ELAVL2: variants seen among roughly 807,000 people sequenced by gnomAD.
ELAVL2 encodes the protein ELAV like RNA binding protein 2.
In ELAVL2, 4 loss-of-function variants were observed where a neutral mutation model predicts 34.6. The ratio of observed to expected loss-of-function variants is 0.12; its 90% confidence interval spans 0.06 to 0.26. ELAVL2 has a LOEUF of 0.26. ELAVL2 is among the 10% of genes least tolerant of loss of function. ELAVL2 has a pLI of 1.00. For synonymous variants in ELAVL2, 193 were observed against 154.8 expected (o/e 1.25, Z -1.83); for missense variants, 432 against 442.8 (o/e 0.98, Z 0.22).
intron 1 of ELAVL2, among the ~76,000 whole-genome samples, chr9:23,786,308 A>G (rs1410470103): frequency 6.6e-6 from 1 of 152,220 alleles, no homozygotes; most frequent in Non-Finnish European, 1.5e-5. Context: ...GATCTAATTT[A>G]TATTGAGATA....
chr9:23,783,133 T>C (rs535393141), intron 1 of ELAVL2, among the ~76,000 whole-genome samples: 1 of 152,338 alleles, frequency 6.6e-6, no homozygotes, highest in African/African-American at 2.4e-5. Flanking sequence ...TTTACTCCAA[T>C]ACCTGTGAAA....
chr9:23,820,651 C>T (rs1351575894), intron 1 of ELAVL2, among the ~76,000 whole-genome samples: 2 of 152,192 alleles, frequency 1.3e-5, no homozygotes, highest in Non-Finnish European at 2.9e-5. Context: ...AGACTGCTGG[C>T]TAAGCATTGT....
intron 2 of ELAVL2, among the ~76,000 whole-genome samples, chr9:23,760,292 G>C (rs182656932): frequency 6.6e-6 from 1 of 151,840 alleles, no homozygotes; most frequent in African/African-American, 2.4e-5. Flanking sequence ...GTATCATTTC[G>C]TAACAGTTTC....
At chr9:23,755,638 A>C (rs943187569) in intron 2 of ELAVL2, among the ~76,000 whole-genome samples, 3 of 152,156 alleles carry the variant, frequency 2.0e-5, no homozygotes, top group African/African-American at 7.2e-5. Context: ...TGGGCACTAA[A>C]ATCTAAAAAT....
At chr9:23,819,517 G>A (rs1185364017) in intron 1 of ELAVL2, among the ~76,000 whole-genome samples, 1 of 152,150 alleles carries the variant, frequency 6.6e-6, no homozygotes, top group Non-Finnish European at 1.5e-5. Flanking sequence ...TTGAACCACA[G>A]GGAAAGTGTG....
intron 3 of ELAVL2, among the ~76,000 whole-genome samples, chr9:23,708,227 G>C (rs754782705): frequency 6.6e-6 from 1 of 152,028 alleles, no homozygotes. Context: ...AACTTACGTC[G>C]GTAACAATGT....
chr9:23,753,589 CA>C (rs943878300), intron 2 of ELAVL2, among the ~76,000 whole-genome samples: 13 of 151,686 alleles, frequency 8.6e-5, no homozygotes, highest in East Asian at 7.7e-4. Flanking sequence ...CTATAAACTA[CA>C]AAAAAAAGAA....
At chr9:23,709,866 A>G (rs981560566) in intron 3 of ELAVL2, among the ~76,000 whole-genome samples, 2 of 152,246 alleles carry the variant, frequency 1.3e-5, no homozygotes, top group African/African-American at 4.8e-5. Flanking sequence ...AAATATTTAA[A>G]GATGATACAG....
At chr9:23,748,477 T>C (rs1036820462) in intron 2 of ELAVL2, among the ~76,000 whole-genome samples, 5 of 152,068 alleles carry the variant, frequency 3.3e-5, no homozygotes, top group African/African-American at 1.2e-4. Flanking sequence ...ACTACTTGGG[T>C]TCTTCTTTCT....
chr9:23,712,566 A>C lies in ELAVL2; in HGVS notation c.334-7495T>G, dbSNP rs116574295. On this transcript the variant is annotated intron_variant, in intron 3 of 6. Coordinates refer to ENST00000397312, the MANE Select transcript of ELAVL2 (RefSeq NM_004432.5). ...TATTTGGGAGTTGAAGAGAAAAATC[A>C]AACTAAGAATCCTGAGACTAGTACT... is the stretch of plus-strand genomic sequence containing the variant. 5.3e-3 allele frequency among the ~76,000 whole-genome samples: 811 copies of C among 152,258 alleles called. 6 individuals are homozygous for C. The highest frequency in any genetic ancestry group is 0.019 in the African/African-American group (773 of 41,564).
Position 23,701,361 on chromosome 9 carries a change from G to C in ELAVL2, c.713+18C>G. Reference sequence around the variant, plus strand: ...CTTTCAGTTTAGTAGCTGGGCACAAGAACCAAACCAGACTTACCTAAAACG... The same window carrying C: ...CTTTCAGTTTAGTAGCTGGGCACAACAACCAAACCAGACTTACCTAAAACG... On this transcript the variant is annotated intron_variant, in intron 5 of 6. Coordinates refer to ENST00000397312, the MANE Select transcript of ELAVL2 (RefSeq NM_004432.5). The C allele has an allele frequency of 1.2e-6, 2 of 1,612,974 alleles. No homozygotes were observed. Among genetic ancestry groups the C allele is most frequent in the Non-Finnish European group, 1.7e-6 (2 of 1,178,998 alleles).
chr9:23,746,017 A>C (rs1423025766), intron 2 of ELAVL2, among the ~76,000 whole-genome samples: 1 of 152,016 alleles, frequency 6.6e-6, no homozygotes, highest in African/African-American at 2.4e-5. Context: ...AGGAAGTCAC[A>C]AGAGATGACT....
chr9:23,761,420 A>C (rs1385085408), intron 2 of ELAVL2, among the ~76,000 whole-genome samples: 6 of 152,028 alleles, frequency 3.9e-5, no homozygotes, highest in Non-Finnish European at 8.8e-5. Flanking sequence ...CTAATATTCA[A>C]AATGTACTAT....
intron 2 of ELAVL2, among the ~76,000 whole-genome samples, chr9:23,732,500 T>C (rs1587851212): frequency 6.6e-6 from 1 of 152,214 alleles, no homozygotes; most frequent in African/African-American, 2.4e-5. Flanking sequence ...TGAGGTTTTA[T>C]TTTACAGTTC....
chr9:23,747,826 C>T (rs2050877182), intron 2 of ELAVL2, among the ~76,000 whole-genome samples: 1 of 152,128 alleles, frequency 6.6e-6, no homozygotes, highest in Non-Finnish European at 1.5e-5. Flanking sequence ...TAAATCCAGT[C>T]ACTAAGTGTG....
the ELAVL2 span, among the ~76,000 whole-genome samples, chr9:23,834,840 G>C: frequency 8.6e-4 from 131 of 151,834 alleles, no homozygotes; most frequent in Admixed American, 8.5e-3. Flanking sequence ...AAAAGTTGTG[G>C]GTCTTCAAAA....
rs1291257490 is a variant in ELAVL2, at chr9:23,692,737, T to C, written c.900A>G (p.Gly300=). ...GGATGACCTTCACATTGGTGACAGC[T>C]CCAAAAGGCCCAAACATTTGCCACA... ...SILWQMFGPF[G]AVTNVKVIRD... Residue 300 remains glycine (G), a synonymous_variant, in exon 7 of 7, where the codon GGA becomes GGG. Transcript: ENST00000397312. The C allele has an allele frequency of 1.2e-6, 2 of 1,614,136 alleles. No homozygotes were observed. The highest frequency in any genetic ancestry group is 2.7e-5 in the African/African-American group (2 of 75,038).
chr9:23,773,045 TATTTACTAC>T (rs1249836205), intron 1 of ELAVL2, among the ~76,000 whole-genome samples: 1 of 152,138 alleles, frequency 6.6e-6, no homozygotes, highest in Non-Finnish European at 1.5e-5. Context: ...AGTTCCTGGT[TATTTACTAC>T]ATTTCAAGAA....
At chr9:23,790,645 A>C (rs1217881565) in intron 1 of ELAVL2, among the ~76,000 whole-genome samples, 1 of 152,230 alleles carries the variant, frequency 6.6e-6, no homozygotes, top group African/African-American at 2.4e-5. Context: ...AGACAGCCAA[A>C]TTAGGCTGGA....
Sources: gnomAD v4.1 joint callset for allele counts (sites outside exome capture counted in the v4.1 genomes callset) on GRCh38, gnomAD v4.1.1 for gene constraint, MANE v1.5 for transcripts, NCBI Gene and HGNC (gene_info 2026-07-23, HGNC 2026-07-21) for gene names.